Variants in GRAMD1B observed in about 807,000 individuals in gnomAD.
GRAMD1B encodes protein Aster-B.
GRAMD1B carries 37 observed loss-of-function variants against 99.7 expected under a neutral mutation model. That is an observed-to-expected ratio of 0.37 (90% CI 0.29 to 0.49). The LOEUF is 0.49. GRAMD1B is among the 20% of genes least tolerant of loss of function. The probability of loss-of-function intolerance (pLI) is 0.98; values close to 1 mark genes in which losing one functional copy is unlikely to be tolerated. For missense variants in GRAMD1B, 888 were observed against 1,009.2 expected, an observed-to-expected ratio of 0.88 and a Z score of 1.63; for synonymous variants, 427 against 387.6, an observed-to-expected ratio of 1.10 and a Z score of -1.19.
chr11:123,404,855 G>A (rs759590997), intron 1 of GRAMD1B, among the ~76,000 whole-genome samples: 38 of 152,226 alleles, frequency 2.5e-4, no homozygotes, highest in Non-Finnish European at 4.6e-4. Context: ...GGGCTCAGCT[G>A]CCAACCTTAG....
intron 1 of GRAMD1B, chr11:123,460,195 G>A (rs1033196398): frequency 1.3e-5 from 2 of 152,204 alleles, no homozygotes; most frequent in Non-Finnish European, 2.9e-5. Flanking sequence ...CTACTGAAAA[G>A]TGACCATGTG....
chr11:123,405,395 G>C (rs1003484211), intron 1 of GRAMD1B, among the ~76,000 whole-genome samples: 1 of 152,206 alleles, frequency 6.6e-6, no homozygotes, highest in Non-Finnish European at 1.5e-5. Context: ...CAGGGTAAGG[G>C]GAGAGTGACG....
At chr11:123,416,870 T>C (rs1365294446) in intron 1 of GRAMD1B, among the ~76,000 whole-genome samples, 1 of 152,228 alleles carries the variant, frequency 6.6e-6, no homozygotes, top group African/African-American at 2.4e-5. Flanking sequence ...CAATAAGCCC[T>C]TGAGATGGGC....
chr11:123,460,850 C>T (rs1950378634), intron 1 of GRAMD1B, among the ~76,000 whole-genome samples: 1 of 152,170 alleles, frequency 6.6e-6, no homozygotes. Flanking sequence ...GAATCCCCTG[C>T]TCCTACGTTT....
intron 1 of GRAMD1B, among the ~76,000 whole-genome samples, chr11:123,369,422 T>C (rs1946442241): frequency 6.6e-6 from 1 of 152,036 alleles, no homozygotes; most frequent in Admixed American, 6.6e-5. Flanking sequence ...ACTCAGAAGG[T>C]AACAGAATCT....
chr11:123,584,374 T>TTGG, intron 4 of GRAMD1B, 42 bp downstream of exon 4: 2 of 141,016 alleles, frequency 1.4e-5, no homozygotes, highest in Admixed American at 1.9e-4. Flanking sequence ...ACCTGAGAAA[T>TTGG]GGGAGGGGGA....
At chr11:123,478,780 A>G (rs1039838642) in intron 1 of GRAMD1B, among the ~76,000 whole-genome samples, 1 of 152,124 alleles carries the variant, frequency 6.6e-6, no homozygotes, top group African/African-American at 2.4e-5. Context: ...AGAGGCTGCA[A>G]TGCTGATTGT....
At chr11:123,560,371 A>G (rs1437658420) in intron 2 of GRAMD1B, 14 of 1,176,514 alleles carry the variant, frequency 1.2e-5, no homozygotes, top group Non-Finnish European at 1.3e-5. Flanking sequence ...AAATAACAGC[A>G]GCAGAGGGAG....
chr11:123,496,469 A>G (rs1591711722), intron 2 of GRAMD1B, among the ~76,000 whole-genome samples: 2 of 152,142 alleles, frequency 1.3e-5, no homozygotes, highest in Middle Eastern at 6.8e-3. Context: ...TTGGTGCTCT[A>G]TAACCTTCTT....
chr11:123,483,757 T>A (rs1451839273), intron 2 of GRAMD1B, among the ~76,000 whole-genome samples: 1 of 152,118 alleles, frequency 6.6e-6, no homozygotes, highest in Non-Finnish European at 1.5e-5. Context: ...ATCTCTCCCC[T>A]TCATAGGAGT....
intron 2 of GRAMD1B, among the ~76,000 whole-genome samples, chr11:123,575,594 C>T (rs1001317469): frequency 6.6e-6 from 1 of 152,144 alleles, no homozygotes; most frequent in Non-Finnish European, 1.5e-5. Flanking sequence ...TATGTGGTTA[C>T]GGGCTTGAGT....
Position 123,545,570 on chromosome 11 carries a change from C to A in GRAMD1B, c.453-31797C>A, listed in dbSNP as rs377105540. Among the ~76,000 whole-genome samples, 37 of 152,294 alleles carry A rather than the reference C, an allele frequency of 2.4e-4. No individual in the cohort carries two copies. In the East Asian group the frequency reaches 6.0e-3, roughly 25 times the overall value. ...CTAGCCCCACCAGCTACTATCTGTA[C>A]GCTCTTGGGTAAGTTTCTCAGCCAA... On this transcript the variant is annotated intron_variant, in intron 2 of 19. Coordinates refer to ENST00000635736, the MANE Select transcript of GRAMD1B (RefSeq NM_001387025.1).
At chr11:123,574,239 A>C (rs1005070901) in intron 2 of GRAMD1B, among the ~76,000 whole-genome samples, 21 of 152,330 alleles carry the variant, frequency 1.4e-4, no homozygotes, top group Admixed American at 4.6e-4. Context: ...TGGAATATGC[A>C]AGCCCTTTAA....
chr11:123,457,484 AAGAT>A (rs1423747545), intron 1 of GRAMD1B, among the ~76,000 whole-genome samples: 1 of 152,226 alleles, frequency 6.6e-6, no homozygotes, highest in East Asian at 1.9e-4. Flanking sequence ...GGCTTAATGG[AAGAT>A]TTCTTAGCTT....
chr11:123,475,630 C>T (rs374904691), intron 1 of GRAMD1B, among the ~76,000 whole-genome samples: 52 of 152,300 alleles, frequency 3.4e-4, no homozygotes, highest in African/African-American at 1.1e-3. Context: ...TTCAGTCATC[C>T]GGTGCCCAGG....
At chr11:123,385,627 C>T (rs1947028576) in intron 1 of GRAMD1B, among the ~76,000 whole-genome samples, 1 of 152,164 alleles carries the variant, frequency 6.6e-6, no homozygotes, top group Non-Finnish European at 1.5e-5. Context: ...AGTCACCTAT[C>T]CCACTGCACT....
intron 1 of GRAMD1B, among the ~76,000 whole-genome samples, chr11:123,440,890 G>A (rs774513831): frequency 8.5e-5 from 13 of 152,096 alleles, no homozygotes; most frequent in Non-Finnish European, 1.5e-4. Context: ...AATCATGGGG[G>A]CAAGTTTTTC....
At chr11:123,494,243 G>T (rs925628322) in intron 2 of GRAMD1B, among the ~76,000 whole-genome samples, 1 of 152,124 alleles carries the variant, frequency 6.6e-6, no homozygotes, top group Non-Finnish European at 1.5e-5. Context: ...TTTCGTGACT[G>T]TAGCCCAAAT....
At position 123,606,622 on chromosome 11, in the gene GRAMD1B, C is replaced by G; in HGVS notation, c.1337C>G (p.Pro446Arg). The G allele has an allele frequency of 4.3e-6, 7 of 1,610,726 alleles. No individual in the cohort carries two copies. Among genetic ancestry groups the G allele is most frequent in the Non-Finnish European group, 5.9e-6 (7 of 1,178,762 alleles). Reference sequence around the variant, plus strand: ...TCTTGGCTCCAGTTTGATGGGCTGCCCCTGGAGGAAGAGGCGCTGGAGGGA... The same window carrying G: ...TCTTGGCTCCAGTTTGATGGGCTGCGCCTGGAGGAAGAGGCGCTGGAGGGA... ...SEAPVSFDGL[P>R]LEEEALEGDG... The change falls in exon 11 of 20, where the codon CCC (proline) becomes CGC (arginine). Residue 446 changes from proline (P) to arginine (R), a missense_variant. Transcript: ENST00000635736.
Sources: allele counts gnomAD v4.1 joint callset (sites outside exome capture counted in the v4.1 genomes callset), GRCh38; gene constraint gnomAD v4.1.1; transcripts MANE v1.5; gene names NCBI Gene and HGNC (gene_info 2026-07-23, HGNC 2026-07-21).